SLC10A6: variants seen among roughly 807,000 people sequenced by gnomAD.
SLC10A6 encodes the protein sodium-dependent organic anion transporter.
Under a neutral mutation model 30.0 loss-of-function variants are expected in SLC10A6, and 27 were observed. That is an observed-to-expected ratio of 0.90 (90% CI 0.66 to 1.24). The LOEUF is 1.24. Among genes scored for constraint, SLC10A6 ranks in the 50% most tolerant of loss-of-function variants. The probability of loss-of-function intolerance (pLI) is 0.00; values close to 1 mark genes in which losing one functional copy is unlikely to be tolerated. For synonymous variants in SLC10A6, 166 were observed against 173.8 expected (o/e 0.95, Z 0.36); for missense variants, 439 against 457.0 (o/e 0.96, Z 0.36).
In SLC10A6 at chr4:86,830,549, C is replaced by T. The variant is rs564093490; in HGVS notation, c.585+1243G>A. 1.4e-3 allele frequency among the ~76,000 whole-genome samples: 213 copies of T among 152,262 alleles called. 2 individuals are homozygous for T. The highest frequency in any genetic ancestry group is 5.0e-3 in the African/African-American group (208 of 41,552). On this transcript the variant is annotated intron_variant, in intron 3 of 5. Coordinates refer to ENST00000273905, the MANE Select transcript of SLC10A6 (RefSeq NM_197965.3). ...AAATGTACTATACTAAGCCATCCTC[C>T]AGCTCTCTGTGCCCAGCTGATTTTC... is the stretch of plus-strand genomic sequence containing the variant.
At chr4:86,847,698 C>G (rs1055708032) in intron 1 of SLC10A6, among the ~76,000 whole-genome samples, 2 of 152,118 alleles carry the variant, frequency 1.3e-5, no homozygotes, top group Non-Finnish European at 2.9e-5. Flanking sequence ...AAGCGGAAAA[C>G]TGGAAACACA....
chr4:86,828,215 C>T (rs1019818970), intron 3 of SLC10A6, 47 bp from the exon 4 acceptor site: 1 of 1,577,662 alleles, frequency 6.3e-7, no homozygotes, highest in Non-Finnish European at 8.6e-7. Flanking sequence ...GGGTTTTTTG[C>T]TCTATGATAC....
chr4:86,836,617 C>T (rs1000077124), intron 1 of SLC10A6, among the ~76,000 whole-genome samples: 1 of 152,164 alleles, frequency 6.6e-6, no homozygotes, highest in African/African-American at 2.4e-5. Context: ...AATAATTTCT[C>T]TTCTCTATAC....
chr4:86,834,635 C>A (rs77522459), intron 1 of SLC10A6, among the ~76,000 whole-genome samples: 1,940 of 152,206 alleles, frequency 0.013, 45 homozygotes, highest in African/African-American at 0.044. Context: ...TTCATAAGAA[C>A]TATTGATCTG....
intron 1 of SLC10A6, among the ~76,000 whole-genome samples, chr4:86,837,294 G>A (rs866563258): frequency 0.018 from 1,203 of 67,174 alleles, 25 homozygotes; most frequent in South Asian, 0.055. Context: ...AAAAAGAAAG[G>A]AAGGAAGGAA....
At chr4:86,828,416 T>C (rs1375381663) in intron 3 of SLC10A6, among the ~76,000 whole-genome samples, 1 of 152,088 alleles carries the variant, frequency 6.6e-6, no homozygotes, top group Non-Finnish European at 1.5e-5. Flanking sequence ...ATATCTACCT[T>C]TCTCTTCAAG....
rs1746443598 is a variant in SLC10A6, at chr4:86,849,192, G to A, written c.-77C>T. 1 of 1,498,276 alleles carries A rather than the reference G, an allele frequency of 6.7e-7. No homozygotes were observed. The highest frequency in any genetic ancestry group is 9.0e-7 in the Non-Finnish European group (1 of 1,114,600). The allele number at this position is 1,498,276 out of a possible 1,614,324, so 92.8% of individuals were successfully genotyped here. ...GGGCAGGTCTATCCTGCCACATTTTGTAATAGTGCAACGAAGTCACACATG... is the reference window on the plus strand; with the variant it reads ...GGGCAGGTCTATCCTGCCACATTTTATAATAGTGCAACGAAGTCACACATG... On this transcript the variant is annotated 5_prime_UTR_variant, in exon 1 of 6. An upstream open reading frame in the 5' UTR gains an earlier in-frame stop. Transcript: ENST00000273905.
chr4:86,826,648 T>C (rs763523813), intron 4 of SLC10A6, among the ~76,000 whole-genome samples: 8 of 152,286 alleles, frequency 5.3e-5, no homozygotes, highest in South Asian at 2.1e-4. Context: ...AAGAGTTTGG[T>C]AATAATTTTT....
chr4:86,825,348 G>T, intron 5 of SLC10A6, 72 bp downstream of exon 5: 1 of 1,451,114 alleles, frequency 6.9e-7, no homozygotes, highest in Non-Finnish European at 9.4e-7. Context: ...AGTTTGGATT[G>T]AAAAAAAAGT....
At chr4:86,837,339 A>AAGGC (rs1172164893) in intron 1 of SLC10A6, among the ~76,000 whole-genome samples, 1 of 103,046 alleles carries the variant, frequency 9.7e-6, no homozygotes. Flanking sequence ...GGAAGGAAGG[A>AAGGC]AGGAAGGCAG....
intron 2 of SLC10A6, among the ~76,000 whole-genome samples, chr4:86,832,226 A>C (rs1746092366): frequency 6.6e-6 from 1 of 152,230 alleles, no homozygotes; most frequent in Non-Finnish European, 1.5e-5. Flanking sequence ...AAGTGGGTTC[A>C]TTCATGGTTT....
chr4:86,829,708 A>G (rs1746048809), intron 3 of SLC10A6, among the ~76,000 whole-genome samples: 1 of 152,108 alleles, frequency 6.6e-6, no homozygotes, highest in Admixed American at 6.6e-5. Context: ...ACAGGGAATG[A>G]AGATATACTA....
At chr4:86,837,234 A>AGAAG (rs1746203629) in intron 1 of SLC10A6, among the ~76,000 whole-genome samples, 1 of 91,058 alleles carries the variant, frequency 1.1e-5, no homozygotes, top group Non-Finnish European at 2.2e-5. Flanking sequence ...AGAGAAAGAA[A>AGAAG]GAAAGAAAGA....
chr4:86,844,819 A>G (rs1475749745), intron 1 of SLC10A6, among the ~76,000 whole-genome samples: 1 of 152,216 alleles, frequency 6.6e-6, no homozygotes, highest in African/African-American at 2.4e-5. Flanking sequence ...GGAAACTTAC[A>G]AACATGGCAG....
intron 2 of SLC10A6, among the ~76,000 whole-genome samples, chr4:86,832,304 T>C (rs1171017941): frequency 2.6e-5 from 4 of 151,586 alleles, no homozygotes; most frequent in African/African-American, 4.8e-5. Context: ...ACACTGAGAG[T>C]CTTAAGAATC....
chr4:86,847,671 C>T (rs79253791), intron 1 of SLC10A6, among the ~76,000 whole-genome samples: 2 of 152,048 alleles, frequency 1.3e-5, no homozygotes, highest in African/African-American at 4.8e-5. Flanking sequence ...ATGTTCCATA[C>T]GCTAAACATT....
Position 86,849,160 on chromosome 4 carries a change from A to G in SLC10A6, c.-45T>C. The G allele has an allele frequency of 6.4e-7, 1 of 1,566,224 alleles. No individual in the cohort carries two copies. The highest frequency in any genetic ancestry group is 1.7e-4 in the Middle Eastern group (1 of 5,780). ...AGCATTACAAATGAACATCGGCAAC[A>G]ATGGCTGGGCAGGTCTATCCTGCCA... On this transcript the variant is annotated 5_prime_UTR_variant, in exon 1 of 6. Transcript: ENST00000273905.
chr4:86,842,813 TC>T (rs1421171222), intron 1 of SLC10A6, among the ~76,000 whole-genome samples: 7,759 of 32,118 alleles, frequency 0.24, 1,042 homozygotes, highest in African/African-American at 0.48. Context: ...TTTCTTTCTT[TC>T]TTTCTTTCTT....
At chr4:86,843,404 G>GGACA (rs1704865902) in intron 1 of SLC10A6, among the ~76,000 whole-genome samples, 1 of 152,126 alleles carries the variant, frequency 6.6e-6, no homozygotes, top group Non-Finnish European at 1.5e-5. Context: ...CGGATTATGG[G>GGACA]GACAGACAAG....
Sources: allele counts gnomAD v4.1 joint callset (sites outside exome capture counted in the v4.1 genomes callset), GRCh38; gene constraint gnomAD v4.1.1; transcripts MANE v1.5; gene names NCBI Gene and HGNC (gene_info 2026-07-23, HGNC 2026-07-21).